CTNNA2: variants seen among roughly 807,000 people sequenced by gnomAD.
CTNNA2 encodes catenin alpha-2.
In CTNNA2, 42 loss-of-function variants were observed where a neutral mutation model predicts 101.0. The ratio of observed to expected loss-of-function variants is 0.42; its 90% CI spans 0.32 to 0.54. CTNNA2 has a LOEUF of 0.54. Ranked by LOEUF, CTNNA2 falls within the 20% of genes least tolerant of loss-of-function variation. CTNNA2 has a pLI of 0.14. For missense variants in CTNNA2, 871 were observed against 1,223.1 expected (o/e 0.71, Z 4.29); for synonymous variants, 450 against 456.4 (o/e 0.99, Z 0.18).
chr2:79,601,196 G>A (rs72820697), intron 1 of CTNNA2, among the ~76,000 whole-genome samples: 19,945 of 152,138 alleles, frequency 0.13, 2,178 homozygotes, highest in African/African-American at 0.3. Flanking sequence ...CAGGAGGTAC[G>A]TTCTTATGTA....
At chr2:80,321,510 A>G (rs1559004596) in intron 7 of CTNNA2, among the ~76,000 whole-genome samples, 1 of 152,226 alleles carries the variant, frequency 6.6e-6, no homozygotes, top group Non-Finnish European at 1.5e-5. Flanking sequence ...TGAATCTGTT[A>G]TTTCTTTATT....
intron 9 of CTNNA2, among the ~76,000 whole-genome samples, chr2:80,448,812 A>T (rs1436052104): frequency 2.6e-5 from 4 of 152,254 alleles, no homozygotes; most frequent in Non-Finnish European, 5.9e-5. Context: ...AACCTAAATA[A>T]TAATGGTGAA....
intron 7 of CTNNA2, among the ~76,000 whole-genome samples, chr2:80,024,433 G>A (rs550175709): frequency 6.6e-6 from 1 of 152,198 alleles, no homozygotes; most frequent in South Asian, 2.1e-4. Context: ...AAGGAGTAAG[G>A]GGGTGTCAGG....
intron 7 of CTNNA2, among the ~76,000 whole-genome samples, chr2:80,341,286 G>A (rs1672217643): frequency 6.6e-6 from 1 of 152,102 alleles, no homozygotes; most frequent in African/African-American, 2.4e-5. Flanking sequence ...TTTAGTCATG[G>A]TTTGGTCTTT....
rs34075986 is a variant in CTNNA2, at chr2:79,743,536, A to ATTT, written c.103-839_103-837dup. 2.8e-5 allele frequency among the ~76,000 whole-genome samples: 4 copies of ATTT among 143,766 alleles called. No individual in the cohort carries two copies. In the South Asian group the frequency reaches 6.6e-4, roughly 24 times the overall value. The allele number at this position is 143,766 out of a possible 152,430, so 94.3% of individuals were successfully genotyped here. A position where few individuals can be genotyped will look rare whatever the true frequency, so the allele number is the denominator to read the frequency against. On this transcript the variant is annotated intron_variant, in intron 2 of 18. Coordinates refer to ENST00000402739, the MANE Select transcript of CTNNA2 (RefSeq NM_001282597.3). ...ATTTTCCATTTTATTTATTTTATTT[A>ATTT]TTTTTTTTTTTTTTGAGACGAAGTC... is the stretch of plus-strand genomic sequence containing the variant.
chr2:79,878,537 T>C (rs62141582), intron 6 of CTNNA2, among the ~76,000 whole-genome samples: 35,744 of 152,144 alleles, frequency 0.23, 4,810 homozygotes, highest in Non-Finnish European at 0.31. Flanking sequence ...CTGACTGGCC[T>C]GAGATGGTAT....
At chr2:79,406,410 A>C (rs1429038713) in intron 4 of CTNNA2, among the ~76,000 whole-genome samples, 1 of 152,050 alleles carries the variant, frequency 6.6e-6, no homozygotes, top group East Asian at 1.9e-4. Context: ...ATTCCTCCAC[A>C]TTCAGGCCCC....
intron 9 of CTNNA2, among the ~76,000 whole-genome samples, chr2:80,496,396 T>G (rs1328447568): frequency 3.0e-5 from 1 of 33,234 alleles, no homozygotes; most frequent in Non-Finnish European, 5.1e-5. Context: ...CTTCACTGTC[T>G]TTTTTTTTTT....
chr2:79,837,672 A>G (rs898276406), intron 3 of CTNNA2, among the ~76,000 whole-genome samples: 1 of 151,860 alleles, frequency 6.6e-6, no homozygotes, highest in Admixed American at 6.6e-5. Flanking sequence ...TCCTATACCA[A>G]TTGTTATCTT....
intron 7 of CTNNA2, among the ~76,000 whole-genome samples, chr2:80,376,586 A>G (rs1352586899): frequency 1.3e-5 from 2 of 152,204 alleles, no homozygotes; most frequent in African/African-American, 2.4e-5. Flanking sequence ...ATTGTACATT[A>G]AAGAATGATA....
chr2:79,954,722 G>C (rs1689109399), intron 7 of CTNNA2, among the ~76,000 whole-genome samples: 2 of 152,176 alleles, frequency 1.3e-5, no homozygotes, highest in Non-Finnish European at 2.9e-5. Flanking sequence ...ATGAGTCTAA[G>C]ACTAAAATCT....
At chr2:80,478,105 G>A (rs55894058) in intron 9 of CTNNA2, among the ~76,000 whole-genome samples, 63,771 of 151,910 alleles carry the variant, frequency 0.42, 16,093 homozygotes, top group African/African-American at 0.68. Context: ...GTAAGGTGGT[G>A]TCTCACTATA....
chr2:79,319,054 A>G (rs577790028), intron 3 of CTNNA2, among the ~76,000 whole-genome samples: 5 of 152,224 alleles, frequency 3.3e-5, no homozygotes, highest in South Asian at 2.1e-4. Context: ...TTCAGTAAAC[A>G]TAAGAGATCT....
chr2:79,295,707 C>T (rs983914718), intron 2 of CTNNA2, among the ~76,000 whole-genome samples: 2 of 152,008 alleles, frequency 1.3e-5, no homozygotes, highest in Admixed American at 1.3e-4. Context: ...AATTTTGTGC[C>T]TTGAGAATAT....
At chr2:80,005,673 T>TC (rs1693287160) in intron 7 of CTNNA2, among the ~76,000 whole-genome samples, 1 of 151,916 alleles carries the variant, frequency 6.6e-6, no homozygotes, top group South Asian at 2.1e-4. Context: ...TTATAGATTT[T>TC]TTAATTATAT....
chr2:79,449,189 G>T (rs1289340809), intron 4 of CTNNA2, among the ~76,000 whole-genome samples: 1 of 151,982 alleles, frequency 6.6e-6, no homozygotes, highest in Non-Finnish European at 1.5e-5. Context: ...TAAGGCAGGA[G>T]GACTTTGTGA....
intron 7 of CTNNA2, among the ~76,000 whole-genome samples, chr2:80,081,432 C>G (rs866366578): frequency 6.6e-5 from 10 of 152,104 alleles, no homozygotes; most frequent in Admixed American, 2.0e-4. Flanking sequence ...AAGTGGCAAT[C>G]TATAAACGCT....
At chr2:80,510,172 T>C (rs11901618) in intron 9 of CTNNA2, among the ~76,000 whole-genome samples, 4,047 of 152,274 alleles carry the variant, frequency 0.027, 61 homozygotes, top group Middle Eastern at 0.082. Context: ...TTCCTTGGTA[T>C]ACTTAAACTT....
intron 7 of CTNNA2, among the ~76,000 whole-genome samples, chr2:80,172,021 A>G (rs1017601142): frequency 1.3e-5 from 2 of 152,196 alleles, no homozygotes; most frequent in Non-Finnish European, 2.9e-5. Flanking sequence ...ATGAGGGTGC[A>G]TGTAAAGCAG....
Sources: gnomAD v4.1 joint callset for allele counts (sites outside exome capture counted in the v4.1 genomes callset) on GRCh38, gnomAD v4.1.1 for gene constraint, MANE v1.5 for transcripts, NCBI Gene and HGNC (gene_info 2026-07-23, HGNC 2026-07-21) for gene names.